The following CYB5R2 variants were observed in gnomAD, a reference collection of about 807,000 sequenced individuals.
CYB5R2 encodes the protein cytochrome b5 reductase 2.
CYB5R2 carries 35 observed loss-of-function variants against 29.8 expected under a neutral mutation model. The observed-to-expected ratio is 1.17, with a 90% CI of 0.90 to 1.56. The LOEUF (loss-of-function observed/expected upper bound fraction) is 1.56, where lower values mean the gene tolerates loss of function less well. Among genes scored for constraint, CYB5R2 ranks in the 40% most tolerant of loss-of-function variants. The pLI, the probability that CYB5R2 is intolerant of heterozygous loss-of-function variation, is 0.00. For missense variants in CYB5R2, 419 were observed against 346.7 expected, an observed-to-expected ratio of 1.21 and a Z score of -1.66; for synonymous variants, 169 against 130.6, an observed-to-expected ratio of 1.29 and a Z score of -2.01.
At chr11:7,666,674 A>C (rs921719089) in intron 7 of CYB5R2, 124 bp from the exon 8 acceptor site, 9 of 612,766 alleles carry the variant, frequency 1.5e-5, no homozygotes, top group Non-Finnish European at 2.3e-5. Context: ...GCTCGCTGCC[A>C]ACTCCCACGG....
chr11:7,673,988 A>T, upstream of CYB5R2: 2 of 1,135,942 alleles, frequency 1.8e-6, no homozygotes, highest in South Asian at 3.7e-5. Context: ...CCCCCAGGGC[A>T]GCGCTCCATC....
chr11:7,665,700 C>G, intron 8 of CYB5R2, 154 bp from the exon 9 acceptor site: 1 of 1,150,730 alleles, frequency 8.7e-7, no homozygotes, highest in Non-Finnish European at 1.2e-6. Flanking sequence ...CAAAAAGCCT[C>G]AGAACTAGTA....
At position 7,672,496 on chromosome 11, in the gene CYB5R2, G is replaced by T. The variant is rs535051265; in HGVS notation, c.106C>A (p.Arg36Ser). 1.4e-5 allele frequency: 22 copies of T among 1,614,190 alleles called. No homozygotes were observed. The East Asian group carries it at 4.9e-4, about 36-fold the overall frequency. ...TGGTCCGGCGAAGGCAGTCCAAAGC[G>T]GAACCTCCGGGTGTTGTGGCTGATT... ...EKISHNTRRFRFGLPSPDHVL... is the reference protein window; with the variant it reads ...EKISHNTRRFSFGLPSPDHVL... The change falls in exon 3 of 9, where the codon CGC becomes AGC. Residue 36 changes from arginine (R) to serine (S), a missense_variant. Physicochemically the swap from Arg to Ser is moderately radical, Grantham distance 110 (BLOSUM62 -1). Transcript: ENST00000299498.
At chr11:7,673,062 G>A (rs950626491) in intron 1 of CYB5R2, 171 bp from the exon 2 acceptor site, 2 of 597,892 alleles carry the variant, frequency 3.3e-6, no homozygotes, top group Non-Finnish European at 5.7e-6. Flanking sequence ...AGAGCCTGTC[G>A]TGGACCAGAG....
In CYB5R2 at chr11:7,667,756, G is replaced by A. The variant is rs1855401961; in HGVS notation, c.530C>T (p.Thr177Ile). 14 of 1,614,078 alleles carry A rather than the reference G, an allele frequency of 8.7e-6. No individual in the cohort carries two copies. The highest frequency in any genetic ancestry group is 1.2e-5 in the Non-Finnish European group (14 of 1,180,034). Residue 177 changes from threonine (T) to isoleucine (I), a missense_variant, in exon 7 of 9, where the codon ACC becomes ATC. Transcript: ENST00000299498. ...GTTGGCAAAGATGAGGGACATCCTG[G>A]TCCTGTCACTGGGGTCCTTGGTGAT... is the stretch of plus-strand genomic sequence containing the variant. Reference protein sequence around the residue: ...RHITKDPSDRTRMSLIFANQT... With the variant: ...RHITKDPSDRIRMSLIFANQT...
At chr11:7,665,929 C>T (rs112446452) in intron 8 of CYB5R2, 64,614 of 1,535,524 alleles carry the variant, frequency 0.042, 1,488 homozygotes, top group Non-Finnish European at 0.046. Context: ...CGCCCTCTGC[C>T]GACCAGGGAC....
Position 7,668,511 on chromosome 11 carries a change from C to T in CYB5R2, c.439G>A (p.Ala147Thr). ...DQTSEPKKTL[A>T]DHLGMIAGGT... ...CCAGCAATCATTCCCAGGTGATCGG[C>T]CAGTGTTTTTTTAGGCTCACTCGTC... The change falls in exon 6 of 9, where the codon GCC becomes ACC. Residue 147 changes from alanine (A) to threonine (T), a missense_variant. Transcript: ENST00000299498. 1 of 1,614,106 alleles carries T rather than the reference C, an allele frequency of 6.2e-7. No homozygotes were observed. Among genetic ancestry groups the T allele is most frequent in the East Asian group, 2.2e-5 (1 of 44,874 alleles).
rs1361025085 is a variant in CYB5R2, at chr11:7,665,317, A to AACTT, written c.*53_*56dup. ...ATCCCAGTTTACCGTGGTGAAATTG[A>AACTT]ACTTACTCTGAAACAGATGAAAAGG... On this transcript the variant is annotated 3_prime_UTR_variant, in exon 9 of 9. Transcript: ENST00000299498. 64 of 1,379,924 alleles carry AACTT rather than the reference A, an allele frequency of 4.6e-5. No homozygotes were observed. Among genetic ancestry groups the AACTT allele is most frequent in the Non-Finnish European group, 5.7e-5 (59 of 1,030,358 alleles). The allele number at this position is 1,379,924 out of a possible 1,614,324, so 85.5% of individuals were successfully genotyped here. A position where few individuals can be genotyped will look rare whatever the true frequency, so the allele number is the denominator to read the frequency against.
At chr11:7,672,622 G>GCACGCACACACACACACA (rs1555009564) in intron 2 of CYB5R2, 99 bp from the exon 3 acceptor site, 2 of 1,078,226 alleles carry the variant, frequency 1.9e-6, no homozygotes, top group African/African-American at 3.1e-5. Context: ...CGCTATTCCA[G>GCACGCACACACACACACA]CACACACACA....
intron 3 of CYB5R2, chr11:7,671,843 C>G (rs1855761930): frequency 6.6e-6 from 1 of 152,466 alleles, no homozygotes; most frequent in African/African-American, 2.4e-5. Flanking sequence ...TAACTCAACT[C>G]TAGGACTCCT....
chr11:7,666,339 C>T (rs1250948185), intron 8 of CYB5R2, 112 bp downstream of exon 8: 2 of 705,624 alleles, frequency 2.8e-6, no homozygotes, highest in Non-Finnish European at 5.0e-6. Flanking sequence ...CAGGCTTAAC[C>T]CCCACATCTG....
chr11:7,669,935 T>A (rs939626570), intron 3 of CYB5R2: 78 of 554,742 alleles, frequency 1.4e-4, no homozygotes, highest in Admixed American at 2.7e-4. Flanking sequence ...CCTAGGCAAG[T>A]CACTTCACCT....
intron 3 of CYB5R2, 58 bp from the exon 4 acceptor site, chr11:7,669,789 G>A: frequency 4.0e-6 from 5 of 1,236,006 alleles, no homozygotes; most frequent in South Asian, 1.2e-5. Context: ...TAAGGCCCAG[G>A]AATAAAGGAC....
At chr11:7,666,151 G>A (rs934757575) in intron 8 of CYB5R2, 1 of 602,412 alleles carries the variant, frequency 1.7e-6, no homozygotes. Flanking sequence ...TGTATGTGAT[G>A]GCTGTGTGGA....
At chr11:7,672,672 A>G (rs2136133210) in intron 2 of CYB5R2, 76 bp downstream of exon 2, 1 of 1,581,510 alleles carries the variant, frequency 6.3e-7, no homozygotes, top group East Asian at 2.2e-5. Context: ...GGAGGCCATG[A>G]GATGACTGTC....
chr11:7,666,389 G>C (rs1382609389), intron 8 of CYB5R2, 62 bp downstream of exon 8: 3 of 1,052,406 alleles, frequency 2.9e-6, no homozygotes, highest in Admixed American at 3.5e-5. Context: ...ACAGAGACCA[G>C]TCCTCAAAGT....
chr11:7,668,078 G>A (rs990304982), intron 6 of CYB5R2, among the ~76,000 whole-genome samples: 1 of 152,086 alleles, frequency 6.6e-6, no homozygotes, highest in African/African-American at 2.4e-5. Context: ...ACAATGACGG[G>A]TAAATGTGAT....
chr11:7,669,211 C>A lies in CYB5R2; in HGVS notation c.382G>T (p.Gly128Trp). 1 of 1,614,108 alleles carries A rather than the reference C, an allele frequency of 6.2e-7. No individual in the cohort carries two copies. Among genetic ancestry groups the A allele is most frequent in the East Asian group, 2.2e-5 (1 of 44,880 alleles). Residue 128 changes from glycine (G) to tryptophan (W), a missense_variant, in exon 5 of 9, where the codon GGG becomes TGG. Physicochemically the swap from Gly to Trp is radical, Grantham distance 184. Coordinates refer to ENST00000299498, the MANE Select transcript of CYB5R2 (RefSeq NM_016229.5). ...RGPRGRLFYHGPGNLGIRPDQ... is the reference protein window; with the variant it reads ...RGPRGRLFYHWPGNLGIRPDQ... ...GTATTAACCCCTCCAGTACCTGGCCCATGGTAAAACAAGCGTCCCCTTGGC... is the reference window on the plus strand; with the variant it reads ...GTATTAACCCCTCCAGTACCTGGCCAATGGTAAAACAAGCGTCCCCTTGGC...
intron 8 of CYB5R2, chr11:7,666,131 A>G: frequency 4.9e-6 from 3 of 608,838 alleles, no homozygotes; most frequent in Non-Finnish European, 8.8e-6. Context: ...GTCAGTGCCC[A>G]TATTAGATGT....
Sources: allele counts gnomAD v4.1 joint callset (sites outside exome capture counted in the v4.1 genomes callset), GRCh38; gene constraint gnomAD v4.1.1; transcripts MANE v1.5; gene names NCBI Gene and HGNC (gene_info 2026-07-23, HGNC 2026-07-21).